Variants in OTUD7A observed in about 807,000 individuals in gnomAD.
OTUD7A encodes the protein OTU deubiquitinase 7A, also known as OTU domain-containing protein 7A.
Under a neutral mutation model 65.7 loss-of-function variants are expected in OTUD7A, and 12 were observed. The ratio of observed to expected loss-of-function variants is 0.18; its 90% CI spans 0.12 to 0.30. OTUD7A has a LOEUF of 0.30. Among genes scored for constraint, OTUD7A ranks in the 10% least tolerant of loss-of-function variants. The probability of loss-of-function intolerance (pLI) is 1.00; values close to 1 mark genes in which losing one functional copy is unlikely to be tolerated. For synonymous variants in OTUD7A, 641 were observed against 586.3 expected (o/e 1.09, Z -1.35); for missense variants, 1,148 against 1,304.8 (o/e 0.88, Z 1.85).
At chr15:31,653,208 T>C (rs181362398) in intron 3 of OTUD7A, among the ~76,000 whole-genome samples, 52 of 150,874 alleles carry the variant, frequency 3.4e-4, no homozygotes, top group Admixed American at 3.4e-3. Flanking sequence ...TGAGCCGAGA[T>C]AGCGCCACTG....
At chr15:31,708,915 G>T (rs1353642405) in intron 1 of OTUD7A, among the ~76,000 whole-genome samples, 2 of 151,470 alleles carry the variant, frequency 1.3e-5, no homozygotes, top group Admixed American at 6.5e-5. Flanking sequence ...GCTGTTTCTG[G>T]GCCCAAGGCC....
At chr15:31,659,474 G>C (rs1373874990) in intron 1 of OTUD7A, among the ~76,000 whole-genome samples, 1 of 152,098 alleles carries the variant, frequency 6.6e-6, no homozygotes, top group Non-Finnish European at 1.5e-5. Flanking sequence ...AATCTAAGAG[G>C]GTGCAAAAAC....
chr15:31,622,535 C>T (rs2141238414), intron 3 of OTUD7A, among the ~76,000 whole-genome samples: 1 of 152,298 alleles, frequency 6.6e-6, no homozygotes, highest in African/African-American at 2.4e-5. Context: ...CACTGATACC[C>T]TTTCTTCCAG....
At chr15:31,690,816 C>T (rs1185699980) in intron 1 of OTUD7A, among the ~76,000 whole-genome samples, 1 of 152,086 alleles carries the variant, frequency 6.6e-6, no homozygotes, top group Non-Finnish European at 1.5e-5. Context: ...AAGAGCTAAA[C>T]CTATAAAACT....
chr15:31,834,199 C>A (rs931610966), intron 1 of OTUD7A, among the ~76,000 whole-genome samples: 3 of 152,166 alleles, frequency 2.0e-5, no homozygotes, highest in African/African-American at 7.2e-5. Context: ...TGAAACAAAT[C>A]AAACAGATAA....
intron 1 of OTUD7A, among the ~76,000 whole-genome samples, chr15:31,777,918 T>C (rs1895430222): frequency 2.0e-5 from 3 of 151,908 alleles, no homozygotes; most frequent in African/African-American, 4.8e-5. Flanking sequence ...CAGAGGGCAG[T>C]GAGGGAGAGG....
At chr15:31,799,366 A>G (rs568088023) in intron 1 of OTUD7A, among the ~76,000 whole-genome samples, 2 of 152,292 alleles carry the variant, frequency 1.3e-5, no homozygotes, top group African/African-American at 4.8e-5. Context: ...ATCTGGGGCT[A>G]TGTTGGGGGC....
At chr15:31,645,589 A>G (rs1281658043) in intron 3 of OTUD7A, among the ~76,000 whole-genome samples, 1 of 152,232 alleles carries the variant, frequency 6.6e-6, no homozygotes, top group Non-Finnish European at 1.5e-5. Flanking sequence ...TATCATAATA[A>G]AAATATCATA....
intron 3 of OTUD7A, among the ~76,000 whole-genome samples, chr15:31,635,499 C>T (rs1891312511): frequency 6.6e-6 from 1 of 152,184 alleles, no homozygotes; most frequent in African/African-American, 2.4e-5. Flanking sequence ...GGGGAGAGAC[C>T]TGGGGGCAGA....
intron 1 of OTUD7A, among the ~76,000 whole-genome samples, chr15:31,731,111 G>A (rs891027264): frequency 2.0e-5 from 3 of 152,170 alleles, no homozygotes; most frequent in African/African-American, 4.8e-5. Flanking sequence ...AATCTGTTTT[G>A]TTATAACTGT....
chr15:31,771,218 A>C (rs188966747), intron 1 of OTUD7A, among the ~76,000 whole-genome samples: 8 of 152,344 alleles, frequency 5.3e-5, no homozygotes, highest in African/African-American at 1.9e-4. Context: ...AGATACTGAA[A>C]GAGGAAGAAG....
At chr15:31,663,864 A>C (rs1395654623) in intron 1 of OTUD7A, among the ~76,000 whole-genome samples, 2 of 151,952 alleles carry the variant, frequency 1.3e-5, no homozygotes, top group Non-Finnish European at 2.9e-5. Context: ...CCATTGTATC[A>C]TTCTTATGCC....
intron 3 of OTUD7A, among the ~76,000 whole-genome samples, chr15:31,604,550 C>T (rs934126742): frequency 8.7e-6 from 1 of 114,670 alleles, no homozygotes; most frequent in Non-Finnish European, 1.9e-5. Context: ...CTGTGTAACA[C>T]AACTGCACAT....
intron 8 of OTUD7A, among the ~76,000 whole-genome samples, chr15:31,506,246 C>CT (rs2041564368): frequency 6.6e-6 from 1 of 150,616 alleles, no homozygotes; most frequent in African/African-American, 2.4e-5. Flanking sequence ...ATATTTAAAG[C>CT]TTTTTTTAAG....
intron 3 of OTUD7A, among the ~76,000 whole-genome samples, chr15:31,597,105 T>TC (rs1889928612): frequency 6.6e-6 from 1 of 151,820 alleles, no homozygotes; most frequent in African/African-American, 2.4e-5. Context: ...TTTTTCTTTT[T>TC]TTTGTAGAGA....
intron 1 of OTUD7A, among the ~76,000 whole-genome samples, chr15:31,869,250 C>A (rs1158410354): frequency 1.3e-5 from 2 of 152,182 alleles, no homozygotes; most frequent in African/African-American, 2.4e-5. Flanking sequence ...CTCTTTGGGT[C>A]TTGAAGAGGC....
At chr15:31,594,931 C>A (rs1191180284) in intron 3 of OTUD7A, among the ~76,000 whole-genome samples, 1 of 152,228 alleles carries the variant, frequency 6.6e-6, no homozygotes, top group Non-Finnish European at 1.5e-5. Context: ...CTGCATGCAT[C>A]AGGGGGACTG....
chr15:31,628,974 A>G (rs1891053108), intron 3 of OTUD7A, among the ~76,000 whole-genome samples: 1 of 152,344 alleles, frequency 6.6e-6, no homozygotes, highest in Admixed American at 6.5e-5. Context: ...GTTGCTTATC[A>G]GCTTAAGGAG....
At chr15:31,523,630 G>A (rs972801883) in intron 8 of OTUD7A, among the ~76,000 whole-genome samples, 4 of 152,176 alleles carry the variant, frequency 2.6e-5, no homozygotes, top group Non-Finnish European at 4.4e-5. Flanking sequence ...CATCCCCTAC[G>A]GCCCCATGTC....
Sources: allele counts gnomAD v4.1 joint callset (sites outside exome capture counted in the v4.1 genomes callset), GRCh38; gene constraint gnomAD v4.1.1; transcripts MANE v1.5; gene names NCBI Gene and HGNC (gene_info 2026-07-23, HGNC 2026-07-21).